Variants in FN1 observed in about 807,000 individuals in gnomAD.
The protein encoded by FN1 is fibronectin 1.
A neutral mutation model predicts 297.3 loss-of-function variants in FN1; 106 were observed. The ratio of observed to expected loss-of-function variants is 0.36; its 90% CI spans 0.30 to 0.42. The LOEUF is 0.42. Among genes scored for constraint, FN1 ranks in the 10% least tolerant of loss-of-function variants. FN1 has a pLI of 1.00. For synonymous variants in FN1, 1,149 were observed against 1,152.6 expected (o/e 1.00, Z 0.06); for missense variants, 2,690 against 3,124.9 (o/e 0.86, Z 3.32).
intron 12 of FN1, 59 bp from the exon 13 acceptor site, chr2:215,415,017 C>T (rs960460328): frequency 1.6e-5 from 21 of 1,333,310 alleles, no homozygotes; most frequent in Middle Eastern, 4.2e-4. Context: ...CAACTTAAAA[C>T]TGTGTACATG....
At chr2:215,374,744 C>T (rs1389100338) in intron 38 of FN1, among the ~76,000 whole-genome samples, 2 of 152,176 alleles carry the variant, frequency 1.3e-5, no homozygotes, top group Non-Finnish European at 2.9e-5. Context: ...ACTCTTATTC[C>T]CCATTCCAGG....
chr2:215,435,930 G>T lies in FN1; in HGVS notation c.-128C>A. ...GGGTTGTCGCCTCCAAGAAGGTGGG[G>T]GCCAGAGGGTGGGGAAGGGGACGGG... On this transcript the variant is annotated 5_prime_UTR_variant, in exon 1 of 46. Transcript: ENST00000354785. The T allele has an allele frequency of 6.9e-7, 1 of 1,449,494 alleles. No individual in the cohort carries two copies. The highest frequency in any genetic ancestry group is 2.5e-5 in the East Asian group (1 of 40,038). The allele number at this position is 1,449,494 out of a possible 1,614,324, so 89.8% of individuals were successfully genotyped here. A position where few individuals can be genotyped will look rare whatever the true frequency, so the allele number is the denominator to read the frequency against.
chr2:215,375,382 G>A lies in FN1; in HGVS notation c.5989C>T (p.Pro1997Ser), dbSNP rs1474421641. 1 of 1,609,900 alleles carries A rather than the reference G, an allele frequency of 6.2e-7. No individual in the cohort carries two copies. The highest frequency in any genetic ancestry group is 8.5e-7 in the Non-Finnish European group (1 of 1,179,286). The change falls in exon 38 of 46, where the codon CCA becomes TCA. Residue 1997 changes from proline (P) to serine (S), a missense_variant. By Grantham distance (74) the Pro-to-Ser change is moderately conservative. Transcript: ENST00000354785. Reference sequence around the variant, plus strand: ...GTGGCCAGGAAACGCAGGTTGGATGGTGCATCAATGGCTGAAAGAAAACAA... The same window carrying A: ...GTGGCCAGGAAACGCAGGTTGGATGATGCATCAATGGCTGAAAGAAAACAA... ...VIDASTAIDAPSNLRFLATTP... is the reference protein window; with the variant it reads ...VIDASTAIDASSNLRFLATTP...
At chr2:215,401,267 G>GAAGA (rs2061106838) in intron 20 of FN1, among the ~76,000 whole-genome samples, 1 of 87,618 alleles carries the variant, frequency 1.1e-5, no homozygotes, top group African/African-American at 5.2e-5. Flanking sequence ...AGAAAGGAAG[G>GAAGA]AAAGGAAAGG....
In FN1 at chr2:215,372,157, T is replaced by C. The variant is rs111523341; in HGVS notation, c.6466A>G (p.Thr2156Ala). 46 of 1,614,192 alleles carry C rather than the reference T, an allele frequency of 2.8e-5. 1 individual carries two copies. In the African/African-American group the frequency reaches 3.1e-4, roughly 11 times the overall value. Residue 2156 changes from threonine (T) to alanine (A), a missense_variant, in exon 40 of 46, where the codon ACG becomes GCG. By Grantham distance (58) the Thr-to-Ala change is moderately conservative (BLOSUM62 0). This residue lies in a region of FN1 where 1,743 missense variants were observed against 1,945.2 expected (regional missense o/e 0.90). Coordinates refer to ENST00000354785, the MANE Select transcript of FN1 (RefSeq NM_212482.4). ...HGFRRTTPPT[T>A]ATPIRHRPRP... ...GGCCTATGCCTTATGGGGGTGGCCG[T>C]TGTGGGCGGTGTGGTCCGCCTAAAA...
At chr2:215,379,401 G>C in intron 33 of FN1, 84 bp from the exon 34 acceptor site, 2 of 1,292,388 alleles carry the variant, frequency 1.5e-6, no homozygotes, top group Non-Finnish European at 2.2e-6. Context: ...AAGTAGAATG[G>C]ATTGTTCTTG....
intron 31 of FN1, among the ~76,000 whole-genome samples, chr2:215,382,628 G>A (rs1294162329): frequency 6.6e-6 from 1 of 152,094 alleles, no homozygotes; most frequent in African/African-American, 2.4e-5. Flanking sequence ...CTAATAAATT[G>A]CCTTAAGATC....
In FN1 at chr2:215,372,213, A is replaced by C; in HGVS notation, c.6410T>G (p.Val2137Gly). The C allele has an allele frequency of 6.2e-7, 1 of 1,614,200 alleles. No individual in the cohort carries two copies. The highest frequency in any genetic ancestry group is 2.2e-5 in the East Asian group (1 of 44,884). ...LPGTSGQQPS[V>G]GQQMIFEEHG... ...TTCCTCAAAGATCATTTGTTGCCCA[A>C]CACTGGGTTGCTGACCAGAAGTGCC... The change falls in exon 40 of 46, where the codon GTT (valine) becomes GGT (glycine). Residue 2137 changes from valine (V) to glycine (G), a missense_variant. By Grantham distance (109) the Val-to-Gly change is moderately radical. Coordinates refer to ENST00000354785, the MANE Select transcript of FN1 (RefSeq NM_212482.4).
intron 26 of FN1, among the ~76,000 whole-genome samples, chr2:215,388,830 T>C (rs1315560054): frequency 6.6e-6 from 1 of 152,152 alleles, no homozygotes; most frequent in Non-Finnish European, 1.5e-5. Context: ...CTCTAAAAAT[T>C]TGATTTACTA....
intron 32 of FN1, 102 bp from the exon 33 acceptor site, chr2:215,381,182 T>TACCATTTTCTTTGCAGATACCACTGA: frequency 8.7e-7 from 1 of 1,144,892 alleles, no homozygotes. Context: ...TTTTCTTTGA[T>TACCATTTTCTTTGCAGATACCACTGA]GAAGTCCAAT....
At chr2:215,412,480 A>G (rs770874158) in intron 13 of FN1, among the ~76,000 whole-genome samples, 2 of 152,166 alleles carry the variant, frequency 1.3e-5, no homozygotes, top group Non-Finnish European at 2.9e-5. Context: ...TCTGTCTCCC[A>G]GGCTGGAGTG....
At chr2:215,377,122 G>A (rs1326167882) in intron 35 of FN1, among the ~76,000 whole-genome samples, 1 of 150,624 alleles carries the variant, frequency 6.6e-6, no homozygotes, top group Non-Finnish European at 1.5e-5. Flanking sequence ...CTAATATTAC[G>A]GCAAGTATTT....
At chr2:215,393,410 G>T in intron 24 of FN1, 1 of 388,982 alleles carries the variant, frequency 2.6e-6, no homozygotes, top group Non-Finnish European at 4.5e-6. Context: ...AGAATAAACA[G>T]GAATATTCTT....
Position 215,372,297 on chromosome 2 carries a change from T to C in FN1, c.6326A>G (p.Gln2109Arg), listed in dbSNP as rs1295280059. Residue 2109 changes from glutamine (Q) to arginine (R), a missense_variant, in exon 40 of 46, where the codon CAA (glutamine) becomes CGA (arginine). By Grantham distance (43) the Gln-to-Arg change is conservative. Coordinates refer to ENST00000354785, the MANE Select transcript of FN1 (RefSeq NM_212482.4). ...PEILDVPSTV[Q>R]KTPFVTHPGY... Reference sequence around the variant, plus strand: ...AGGGTGGGTGACGAAAGGGGTCTTTTGAACTGTGGAAGGAACATCCAAGAT... The same window carrying C: ...AGGGTGGGTGACGAAAGGGGTCTTTCGAACTGTGGAAGGAACATCCAAGAT... 6.2e-7 allele frequency: 1 copy of C among 1,614,050 alleles called. No homozygotes were observed.
Position 215,384,841 on chromosome 2 carries a change from T to C in FN1, c.4729+19A>G, listed in dbSNP as rs530345740. The C allele has an allele frequency of 1.4e-5, 21 of 1,457,162 alleles. No homozygotes were observed. Among genetic ancestry groups the C allele is most frequent in the Non-Finnish European group, 1.7e-5 (18 of 1,036,570 alleles). 90.3% of individuals were successfully genotyped at this position (1,457,162 alleles called of 1,614,324 possible). A position where few individuals can be genotyped will look rare whatever the true frequency, so the allele number is the denominator to read the frequency against. The stretch of plus-strand genomic sequence containing the variant: ...AATCTGATTTAATCAGAGTGTAAAA[T>C]AGCATTTTACTGCTGTACCTGTCTC... On this transcript the variant is annotated intron_variant, in intron 29 of 45. Transcript: ENST00000354785.
At chr2:215,365,245 G>C (rs1346700515) in intron 43 of FN1, among the ~76,000 whole-genome samples, 1 of 152,172 alleles carries the variant, frequency 6.6e-6, no homozygotes, top group Non-Finnish European at 1.5e-5. Context: ...GACCAATAAA[G>C]CTTCTTTGTA....
At chr2:215,383,180 T>C in intron 31 of FN1, 148 bp downstream of exon 31, 1 of 754,434 alleles carries the variant, frequency 1.3e-6, no homozygotes, top group Admixed American at 2.2e-5. Flanking sequence ...AATTTTTTTG[T>C]ATTTTTTAGT....
intron 40 of FN1, among the ~76,000 whole-genome samples, chr2:215,371,642 C>T (rs922170136): frequency 8.9e-5 from 13 of 146,892 alleles, no homozygotes; most frequent in Admixed American, 3.4e-4. Context: ...TTAAATGTGC[C>T]ATCTTCTAAG....
At position 215,392,968 on chromosome 2, in the gene FN1, G is replaced by A. The variant is rs773005372; in HGVS notation, c.4032C>T (p.Gly1344=). 2.8e-5 allele frequency: 45 copies of A among 1,612,996 alleles called. No individual in the cohort carries two copies. The highest frequency in any genetic ancestry group is 1.4e-4 in the South Asian group (13 of 91,036). ...TCAGTGTAGTAGGGGCACTCTCGCC[G>A]CCATTAATGAGAGTGATAACGCTGA... ...YDISVITLIN[G]GESAPTTLTQ... The change falls in exon 25 of 46, where the codon GGC becomes GGT. Residue 1344 remains glycine, a synonymous_variant. Coordinates refer to ENST00000354785, the MANE Select transcript of FN1 (RefSeq NM_212482.4).
Sources: gnomAD v4.1 joint callset for allele counts (sites outside exome capture counted in the v4.1 genomes callset) on GRCh38, gnomAD v4.1.1 for gene constraint, gnomAD v4.1.1 regional missense constraint, MANE v1.5 for transcripts, NCBI Gene and HGNC (gene_info 2026-07-23, HGNC 2026-07-21) for gene names.